Variants in B3GLCT observed in about 807,000 individuals in gnomAD.
B3GLCT encodes the protein beta 3-glucosyltransferase, also known as beta-1,3-glucosyltransferase.
In B3GLCT, 65 loss-of-function variants were observed where a neutral mutation model predicts 63.4. The ratio of observed to expected loss-of-function variants is 1.03; its 90% CI spans 0.84 to 1.26. The LOEUF is 1.26. Ranked by LOEUF, B3GLCT falls within the 50% of genes most tolerant of loss-of-function variation. B3GLCT has a pLI of 0.00. For synonymous variants in B3GLCT, 233 were observed against 219.2 expected (o/e 1.06, Z -0.55); for missense variants, 577 against 604.8 (o/e 0.95, Z 0.48).
chr13:31,254,989 A>G (rs9572689), intron 6 of B3GLCT, among the ~76,000 whole-genome samples: 55,778 of 149,482 alleles, frequency 0.37, 11,124 homozygotes, highest in East Asian at 0.72. Flanking sequence ...GTGAGCTGAG[A>G]TGGCGCCACT....
intron 12 of B3GLCT, among the ~76,000 whole-genome samples, chr13:31,298,326 A>T (rs1874057079): frequency 1.3e-5 from 2 of 152,208 alleles, no homozygotes; most frequent in African/African-American, 4.8e-5. Context: ...CTCAAAAGAT[A>T]TTGCCACATT....
At chr13:31,272,006 G>A (rs575687531) in intron 8 of B3GLCT, among the ~76,000 whole-genome samples, 23 of 152,010 alleles carry the variant, frequency 1.5e-4, no homozygotes, top group Non-Finnish European at 2.1e-4. Context: ...CCTCATAATC[G>A]TTTTTTGTCT....
intron 1 of B3GLCT, among the ~76,000 whole-genome samples, chr13:31,200,590 C>T (rs1868603821): frequency 6.6e-6 from 1 of 151,368 alleles, no homozygotes; most frequent in Non-Finnish European, 1.5e-5. Context: ...CGCGCTCCGC[C>T]GTCCTGCGCG....
intron 12 of B3GLCT, among the ~76,000 whole-genome samples, chr13:31,314,300 C>T (rs143930811): frequency 7.7e-4 from 118 of 152,288 alleles, no homozygotes; most frequent in African/African-American, 2.6e-3. Flanking sequence ...TTGCACCATG[C>T]ATCTGGAAGA....
chr13:31,323,893 C>G lies in B3GLCT; in HGVS notation c.1327C>G (p.Gln443Glu). ...IPVTHSPLFH[Q>E]ARPVDYPKDY... Reference sequence around the variant, plus strand: ...TGTGACACACAGCCCTCTCTTCCATCAGGTGAGGAAATGGTTTTTATTCTT... The same window carrying G: ...TGTGACACACAGCCCTCTCTTCCATGAGGTGAGGAAATGGTTTTTATTCTT... The change falls in exon 14 of 15, where the codon CAG becomes GAG. Residue 443 changes from glutamine (Q) to glutamate (E), a missense_variant and splice_region_variant. By Grantham distance (29) the Gln-to-Glu change is conservative. Coordinates refer to ENST00000343307, the MANE Select transcript of B3GLCT (RefSeq NM_194318.4). 1 of 1,614,142 alleles carries G rather than the reference C, an allele frequency of 6.2e-7. No individual in the cohort carries two copies. Among genetic ancestry groups the G allele is most frequent in the Non-Finnish European group, 8.5e-7 (1 of 1,179,992 alleles).
At chr13:31,276,223 A>G (rs1376979285) in intron 9 of B3GLCT, among the ~76,000 whole-genome samples, 1 of 152,212 alleles carries the variant, frequency 6.6e-6, no homozygotes, top group Non-Finnish European at 1.5e-5. Flanking sequence ...GGCCGTAAAA[A>G]TGTTTTCAAC....
chr13:31,327,603 C>A (rs1289540453), intron 14 of B3GLCT, among the ~76,000 whole-genome samples: 1 of 152,196 alleles, frequency 6.6e-6, no homozygotes, highest in Non-Finnish European at 1.5e-5. Flanking sequence ...CTTCTGGGAT[C>A]ATTGTGGAAT....
intron 4 of B3GLCT, among the ~76,000 whole-genome samples, chr13:31,244,902 T>C (rs1282314428): frequency 6.6e-6 from 1 of 152,170 alleles, no homozygotes; most frequent in Non-Finnish European, 1.5e-5. Flanking sequence ...TAGCACCTAC[T>C]TTGTATTTTT....
chr13:31,312,005 A>G (rs1874735556), intron 12 of B3GLCT, among the ~76,000 whole-genome samples: 1 of 152,256 alleles, frequency 6.6e-6, no homozygotes, highest in South Asian at 2.1e-4. Context: ...ACATTGACAA[A>G]AAGAATATCC....
chr13:31,249,282 G>C (rs985081698), intron 6 of B3GLCT, among the ~76,000 whole-genome samples: 2 of 152,160 alleles, frequency 1.3e-5, no homozygotes, highest in Non-Finnish European at 2.9e-5. Flanking sequence ...TTTTCTTCAT[G>C]CTTTTAATTT....
chr13:31,258,745 G>T (rs1487377904), intron 6 of B3GLCT, among the ~76,000 whole-genome samples: 1 of 152,142 alleles, frequency 6.6e-6, no homozygotes, highest in African/African-American at 2.4e-5. Flanking sequence ...TTTCAACAGT[G>T]TTACCATTAT....
At chr13:31,254,600 A>C (rs755785906) in intron 6 of B3GLCT, among the ~76,000 whole-genome samples, 16 of 152,214 alleles carry the variant, frequency 1.1e-4, no homozygotes, top group Non-Finnish European at 1.8e-4. Context: ...GAAAACTGGC[A>C]CAAGACAAGG....
rs146066301 is a variant in B3GLCT, at chr13:31,324,897, G to A, written c.1329+1002G>A. Among the ~76,000 whole-genome samples, 564 of 152,102 alleles carry A rather than the reference G, an allele frequency of 3.7e-3. 2 individuals carry two copies. Among genetic ancestry groups the A allele is most frequent in the African/African-American group, 0.012 (500 of 41,488 alleles). On this transcript the variant is annotated intron_variant, in intron 14 of 14. Coordinates refer to ENST00000343307, the MANE Select transcript of B3GLCT (RefSeq NM_194318.4). ...TTTTTAAAGTTTTTTATAGAGATGG[G>A]GGTCTTACTATGTTGCCCAGACTGG...
chr13:31,282,354 A>G (rs1873109452), intron 10 of B3GLCT, among the ~76,000 whole-genome samples: 1 of 152,150 alleles, frequency 6.6e-6, no homozygotes, highest in South Asian at 2.1e-4. Context: ...GAGATGACAG[A>G]CAGGGCCGAG....
At chr13:31,234,007 C>CTTT (rs57331266) in intron 4 of B3GLCT, among the ~76,000 whole-genome samples, 1 of 147,234 alleles carries the variant, frequency 6.8e-6, no homozygotes, top group Non-Finnish European at 1.5e-5. Flanking sequence ...GGCAGTTTTT[C>CTTT]TTTTTTTTTT....
intron 11 of B3GLCT, among the ~76,000 whole-genome samples, chr13:31,285,604 TAAAAAAAAAAAAAA>T (rs11339832): frequency 1.2e-5 from 1 of 84,242 alleles, no homozygotes; most frequent in East Asian, 3.9e-4. Flanking sequence ...CTTTTATGAG[TAAAAAAAAAAAAAA>T]AAAAAAAAAA....
intron 10 of B3GLCT, among the ~76,000 whole-genome samples, chr13:31,284,361 A>G (rs1002815500): frequency 2.0e-5 from 3 of 152,252 alleles, no homozygotes; most frequent in African/African-American, 7.2e-5. Flanking sequence ...TAATGTAAAC[A>G]CAATAGCATA....
intron 12 of B3GLCT, among the ~76,000 whole-genome samples, chr13:31,288,840 A>G (rs546695559): frequency 9.2e-5 from 14 of 152,330 alleles, no homozygotes; most frequent in South Asian, 2.1e-4. Flanking sequence ...TGAAAAAGCA[A>G]GAAAATATGA....
At chr13:31,210,840 A>G (rs1202460158) in intron 1 of B3GLCT, among the ~76,000 whole-genome samples, 2 of 151,948 alleles carry the variant, frequency 1.3e-5, no homozygotes, top group Admixed American at 6.6e-5. Context: ...GAACTTTTGG[A>G]TACAAGGAGT....
Sources: allele counts gnomAD v4.1 joint callset (sites outside exome capture counted in the v4.1 genomes callset), GRCh38; gene constraint gnomAD v4.1.1; transcripts MANE v1.5; gene names NCBI Gene and HGNC (gene_info 2026-07-23, HGNC 2026-07-21).